The following RIGI variants were observed in gnomAD, a reference collection of about 807,000 sequenced individuals.
RIGI encodes the protein antiviral innate immune response receptor RIG-I.
chr9:32,476,849 T>A, the RIGI span: 7 of 760,776 alleles, frequency 9.2e-6, no homozygotes, highest in South Asian at 1.1e-4. Flanking sequence ...CTTGAACTCT[T>A]GGCCCCAAGC....
the RIGI span, among the ~76,000 whole-genome samples, chr9:32,504,716 T>TATATAAAATATATAAAATATATTTAATAC: frequency 0.028 from 4,035 of 142,300 alleles, 301 homozygotes; most frequent in African/African-American, 0.091. Flanking sequence ...ACATTTAATA[T>TATATAAAATATATAAAATATATTTAATAC]ATATAAAATA....
the RIGI span, among the ~76,000 whole-genome samples, chr9:32,508,930 A>G: frequency 6.6e-5 from 10 of 152,138 alleles, no homozygotes; most frequent in Non-Finnish European, 1.2e-4. Context: ...GGCATCCACA[A>G]TTACTGAGGC....
the RIGI span, chr9:32,485,297 A>AC: frequency 6.7e-7 from 1 of 1,502,804 alleles, no homozygotes; most frequent in African/African-American, 1.4e-5. Flanking sequence ...CGTCAAAAAA[A>AC]AAAGAAAAAG....
the RIGI span, chr9:32,489,212 T>G: frequency 3.3e-6 from 2 of 600,374 alleles, no homozygotes; most frequent in Non-Finnish European, 5.8e-6. Flanking sequence ...TAGGATTATA[T>G]TAGGACAGTT....
At chr9:32,480,101 C>G in the RIGI span, 7 of 1,139,930 alleles carry the variant, frequency 6.1e-6, no homozygotes, top group Non-Finnish European at 8.6e-6. Context: ...TTCCTACATC[C>G]AGGACAACTC....
the RIGI span, among the ~76,000 whole-genome samples, chr9:32,513,934 C>T: frequency 6.6e-6 from 1 of 152,178 alleles, no homozygotes; most frequent in Non-Finnish European, 1.5e-5. Context: ...AGACATTTCT[C>T]AAATGAAGAC....
chr9:32,520,883 C>T, the RIGI span, among the ~76,000 whole-genome samples: 146 of 150,070 alleles, frequency 9.7e-4, no homozygotes, highest in African/African-American at 3.5e-3. Context: ...TGGTGGCTCA[C>T]GCCTGTAATC....
At chr9:32,465,272 G>A in the RIGI span, among the ~76,000 whole-genome samples, 1 of 152,148 alleles carries the variant, frequency 6.6e-6, no homozygotes, top group Non-Finnish European at 1.5e-5. Context: ...GAAGAAAAAT[G>A]TTTTTAGACT....
chr9:32,522,836 C>A, the RIGI span, among the ~76,000 whole-genome samples: 2 of 152,112 alleles, frequency 1.3e-5, no homozygotes, highest in African/African-American at 4.8e-5. Context: ...GGACTGAAAC[C>A]AACACAATAG....
the RIGI span, among the ~76,000 whole-genome samples, chr9:32,515,301 G>C: frequency 7.1e-6 from 1 of 140,868 alleles, no homozygotes; most frequent in Admixed American, 7.4e-5. Flanking sequence ...CTGGGTGACA[G>C]AGCAGGACTC....
chr9:32,504,207 A>G, the RIGI span, among the ~76,000 whole-genome samples: 1 of 152,112 alleles, frequency 6.6e-6, no homozygotes, highest in African/African-American at 2.4e-5. Flanking sequence ...AATAATCACA[A>G]TATCTGATTG....
chr9:32,493,643 C>A, the RIGI span: 1 of 660,758 alleles, frequency 1.5e-6, no homozygotes, highest in Admixed American at 3.8e-5. Flanking sequence ...AAGTACTATT[C>A]TATGAGTACT....
the RIGI span, among the ~76,000 whole-genome samples, chr9:32,508,858 T>G: frequency 6.6e-6 from 1 of 152,122 alleles, no homozygotes; most frequent in African/African-American, 2.4e-5. Context: ...TAGCTTGAAA[T>G]TCTCGCTGCC....
chr9:32,468,124 G>A, the RIGI span, among the ~76,000 whole-genome samples: 1 of 152,186 alleles, frequency 6.6e-6, no homozygotes, highest in Non-Finnish European at 1.5e-5. Flanking sequence ...ATTTAGGGTG[G>A]CATCTAACAC....
the RIGI span, among the ~76,000 whole-genome samples, chr9:32,502,611 T>C: frequency 6.6e-6 from 1 of 152,230 alleles, no homozygotes; most frequent in Non-Finnish European, 1.5e-5. Context: ...AATAGAGGCT[T>C]ATTCTCTCTG....
the RIGI span, chr9:32,491,261 A>G: frequency 6.2e-7 from 1 of 1,606,896 alleles, no homozygotes; most frequent in African/African-American, 1.3e-5. Context: ...CAAATACCAG[A>G]AGAGCACCAT....
chr9:32,484,273 C>T, the RIGI span, among the ~76,000 whole-genome samples: 1 of 151,882 alleles, frequency 6.6e-6, no homozygotes, highest in Non-Finnish European at 1.5e-5. Flanking sequence ...GAAGAGAGAG[C>T]AGAGGTAGGC....
chr9:32,514,857 CTA>C, the RIGI span, among the ~76,000 whole-genome samples: 2 of 152,040 alleles, frequency 1.3e-5, no homozygotes, highest in Non-Finnish European at 2.9e-5. Context: ...TTTTTTTAAG[CTA>C]ATTTTTTTCA....
At chr9:32,460,743 C>T in the RIGI span, among the ~76,000 whole-genome samples, 1 of 151,488 alleles carries the variant, frequency 6.6e-6, no homozygotes, top group Non-Finnish European at 1.5e-5. Context: ...ACAGAAATTA[C>T]CCAATCTGAA....
Sources: allele counts gnomAD v4.1 joint callset (sites outside exome capture counted in the v4.1 genomes callset), GRCh38; gene constraint gnomAD v4.1.1; transcripts MANE v1.5; gene names NCBI Gene and HGNC (gene_info 2026-07-23, HGNC 2026-07-21).